Variants in DNAH11 observed in about 807,000 individuals in gnomAD.
The protein encoded by DNAH11 is dynein axonemal heavy chain 11, also known as axonemal beta dynein heavy chain 11.
Under a neutral mutation model 526.0 loss-of-function variants are expected in DNAH11, and 442 were observed. That is an observed-to-expected ratio of 0.84 (90% CI 0.78 to 0.91). The LOEUF is 0.91. Among genes scored for constraint, DNAH11 ranks in the 40% least tolerant of loss-of-function variants. The pLI, the probability that DNAH11 is intolerant of heterozygous loss-of-function variation, is 0.00. For synonymous variants in DNAH11, 2,461 were observed against 1,935.9 expected, an observed-to-expected ratio of 1.27 and a Z score of -7.12; for missense variants, 6,989 against 5,448.7, an observed-to-expected ratio of 1.28 and a Z score of -8.90.
In DNAH11 at chr7:21,789,850, T is replaced by TTCTC. The variant is rs1554281435; in HGVS notation, c.10026+513_10026+516dup. 1.6e-4 allele frequency among the ~76,000 whole-genome samples: 23 copies of TTCTC among 143,662 alleles called. 1 individual carries two copies. The highest frequency in any genetic ancestry group is 5.4e-4 in the African/African-American group (21 of 39,128). The allele number at this position is 143,662 out of a possible 152,430, so 94.2% of individuals were successfully genotyped here. On this transcript the variant is annotated intron_variant, in intron 61 of 81. Coordinates refer to ENST00000409508, the MANE Select transcript of DNAH11 (RefSeq NM_001277115.2). The stretch of plus-strand genomic sequence containing the variant: ...TTTCTTTCTTTCTTTCTTTCTTTCT[T>TTCTC]TCTCTCTCCTTCCTTCCTTTTCTTT...
chr7:21,607,312 G>T (rs1341588186), intron 20 of DNAH11, among the ~76,000 whole-genome samples: 1 of 152,100 alleles, frequency 6.6e-6, no homozygotes, highest in Non-Finnish European at 1.5e-5. Flanking sequence ...AGCTGTGCTG[G>T]CAGCTGATTA....
rs1787544819 is a variant in DNAH11, at chr7:21,773,863, A to G, written c.9200A>G (p.Asn3067Ser). 1 of 1,607,976 alleles carries G rather than the reference A, an allele frequency of 6.2e-7. No individual in the cohort carries two copies. The highest frequency in any genetic ancestry group is 8.5e-7 in the Non-Finnish European group (1 of 1,177,160). Residue 3067 changes from asparagine to serine, a missense_variant, in exon 56 of 82, where the codon AAC becomes AGC. Transcript: ENST00000409508. ...TRYYQNERRHNYTTPKSFLEQ... is the reference protein window; with the variant it reads ...TRYYQNERRHSYTTPKSFLEQ... ...TATTACCAGAATGAGAGAAGACACA[A>G]CTATACCACCCCAAAGAGTTTTCTA... is the stretch of plus-strand genomic sequence containing the variant.
chr7:21,584,619 A>G (rs1341250831), intron 9 of DNAH11, among the ~76,000 whole-genome samples: 1 of 151,790 alleles, frequency 6.6e-6, no homozygotes, highest in Non-Finnish European at 1.5e-5. Flanking sequence ...TTTTATAAGA[A>G]CTCTTCAGTG....
intron 2 of DNAH11, among the ~76,000 whole-genome samples, chr7:21,555,880 GC>G (rs768559191): frequency 1.3e-5 from 2 of 152,114 alleles, no homozygotes; most frequent in Non-Finnish European, 2.9e-5. Flanking sequence ...TCCCAGACGG[GC>G]CCCCAAGTTT....
intron 57 of DNAH11, among the ~76,000 whole-genome samples, 164 bp from the exon 58 acceptor site, chr7:21,784,263 T>TA (rs1788078204): frequency 6.6e-6 from 1 of 152,236 alleles, no homozygotes; most frequent in African/African-American, 2.4e-5. Flanking sequence ...TTTGTATATA[T>TA]ACTATGTCTA....
chr7:21,581,305 T>C (rs533334307), intron 8 of DNAH11, among the ~76,000 whole-genome samples: 1 of 152,320 alleles, frequency 6.6e-6, no homozygotes, highest in South Asian at 2.1e-4. Flanking sequence ...TGGATAGTTA[T>C]GTATCAGGAG....
At chr7:21,898,598 A>AACTT (rs1193473636) in intron 79 of DNAH11, among the ~76,000 whole-genome samples, 1 of 152,158 alleles carries the variant, frequency 6.6e-6, no homozygotes, top group Admixed American at 6.5e-5. Context: ...CAGCCTCTGA[A>AACTT]ACTTACAATT....
At chr7:21,626,334 A>G (rs1369105636) in intron 25 of DNAH11, among the ~76,000 whole-genome samples, 1 of 152,198 alleles carries the variant, frequency 6.6e-6, no homozygotes, top group East Asian at 1.9e-4. Context: ...TATTGTATGT[A>G]TATGCCATTC....
chr7:21,726,847 C>T (rs1583632404), intron 45 of DNAH11, among the ~76,000 whole-genome samples: 1 of 57,326 alleles, frequency 1.7e-5, no homozygotes, highest in Middle Eastern at 0.019. Context: ...GGCGACAGAG[C>T]AAGACTCTGT....
At chr7:21,613,266 G>A (rs567240800) in intron 20 of DNAH11, among the ~76,000 whole-genome samples, 10 of 152,126 alleles carry the variant, frequency 6.6e-5, no homozygotes, top group Admixed American at 2.6e-4. Flanking sequence ...AACATTTAGC[G>A]CTTAGCAATA....
At position 21,786,656 on chromosome 7, in the gene DNAH11, C is replaced by G; in HGVS notation, c.9630C>G (p.Asn3210Lys). Reference protein sequence around the residue: ...VNLSELKAFPNPPIAVTNVTA... With the variant: ...VNLSELKAFPKPPIAVTNVTA... ...TCAGTGAGCTGAAAGCCTTTCCCAA[C>G]CCTCCCATCGCAGTTACCAATGTTA... The change falls in exon 59 of 82, where the codon AAC becomes AAG. Residue 3210 changes from asparagine to lysine, a missense_variant. Coordinates refer to ENST00000409508, the MANE Select transcript of DNAH11 (RefSeq NM_001277115.2). 6.2e-7 allele frequency: 1 copy of G among 1,613,462 alleles called. No homozygotes were observed. Among genetic ancestry groups the G allele is most frequent in the Non-Finnish European group, 8.5e-7 (1 of 1,179,540 alleles).
At chr7:21,796,102 G>A (rs890504929) in intron 61 of DNAH11, among the ~76,000 whole-genome samples, 7 of 152,166 alleles carry the variant, frequency 4.6e-5, no homozygotes, top group African/African-American at 1.4e-4. Flanking sequence ...AGAGGTAAGT[G>A]TTTGTCCTAT....
chr7:21,586,543 C>G (rs1784483631), intron 9 of DNAH11, among the ~76,000 whole-genome samples: 1 of 152,020 alleles, frequency 6.6e-6, no homozygotes, highest in African/African-American at 2.4e-5. Flanking sequence ...ATTTTAGTTT[C>G]TATAATTTTT....
chr7:21,862,071 A>T (rs1438262120), intron 69 of DNAH11, 48 bp downstream of exon 69: 1 of 1,522,880 alleles, frequency 6.6e-7, no homozygotes, highest in Non-Finnish European at 8.9e-7. Flanking sequence ...CCAAAGGCAG[A>T]TGCCTCTGTT....
Position 21,679,854 on chromosome 7 carries a change from A to ATCTT in DNAH11, c.5329-1686_5329-1683dup, listed in dbSNP as rs552883094. On this transcript the variant is annotated intron_variant, in intron 30 of 81. Coordinates refer to ENST00000409508, the MANE Select transcript of DNAH11 (RefSeq NM_001277115.2). The stretch of plus-strand genomic sequence containing the variant: ...CATCTGCAAAGTTCGGATACAGATT[A>ATCTT]TCTTTCTTTTTTAAAAAATTTTATT... Among the ~76,000 whole-genome samples the ATCTT allele has an allele frequency of 5.7e-3, 873 of 152,288 alleles. 10 individuals carry two copies. Among genetic ancestry groups the ATCTT allele is most frequent in the African/African-American group, 0.02 (825 of 41,564 alleles).
chr7:21,693,743 C>T (rs1783726440), intron 35 of DNAH11, among the ~76,000 whole-genome samples: 1 of 152,012 alleles, frequency 6.6e-6, no homozygotes, highest in Non-Finnish European at 1.5e-5. Context: ...TCCATTGGCA[C>T]ACACTGGTTC....
In DNAH11 at chr7:21,789,330, G is replaced by C; in HGVS notation, c.10014G>C (p.Arg3338Ser). The change falls in exon 61 of 82, where the codon AGG (arginine) becomes AGC (serine). Residue 3338 changes from arginine (R) to serine (S), a missense_variant. By Grantham distance (110) the Arg-to-Ser change is moderately radical. Transcript: ENST00000409508. ...AAATEKLEAI[R>S]KKLVDLDRNL... The stretch of plus-strand genomic sequence containing the variant: ...CTACTGAAAAACTAGAGGCTATCAG[G>C]AAAAAGCTTGTGGTGAGTGCAAACT... 1 of 1,566,752 alleles carries C rather than the reference G, an allele frequency of 6.4e-7. No homozygotes were observed. The highest frequency in any genetic ancestry group is 1.7e-4 in the Middle Eastern group (1 of 5,992).
chr7:21,861,740 G>A, intron 68 of DNAH11, 113 bp from the exon 69 acceptor site: 2 of 1,114,624 alleles, frequency 1.8e-6, no homozygotes, highest in South Asian at 3.2e-5. Context: ...TAAAAATTTT[G>A]CCTCATTCTC....
chr7:21,832,598 A>G (rs1781829637), intron 65 of DNAH11, among the ~76,000 whole-genome samples: 1 of 152,138 alleles, frequency 6.6e-6, no homozygotes, highest in African/African-American at 2.4e-5. Flanking sequence ...CTTCCTGATG[A>G]CTAGTCTCAC....
Sources: gnomAD v4.1 joint callset for allele counts (sites outside exome capture counted in the v4.1 genomes callset) on GRCh38, gnomAD v4.1.1 for gene constraint, MANE v1.5 for transcripts, NCBI Gene and HGNC (gene_info 2026-07-23, HGNC 2026-07-21) for gene names.